Variants in SMAP1 observed in about 807,000 individuals in gnomAD.
SMAP1 encodes small ArfGAP 1.
Under a neutral mutation model 58.5 loss-of-function variants are expected in SMAP1, and 24 were observed. The observed-to-expected ratio is 0.41, with a 90% CI of 0.30 to 0.58. The LOEUF (loss-of-function observed/expected upper bound fraction) is 0.58. SMAP1 is among the 20% of genes least tolerant of loss of function. The probability of loss-of-function intolerance (pLI) is 0.29; values close to 1 mark genes in which losing one functional copy is unlikely to be tolerated. For synonymous variants in SMAP1, 216 were observed against 196.6 expected, an observed-to-expected ratio of 1.10 and a Z score of -0.82; for missense variants, 563 against 566.3, an observed-to-expected ratio of 0.99 and a Z score of 0.06.
intron 3 of SMAP1, chr6:70,759,980 T>C (rs1766682280): frequency 3.1e-6 from 1 of 322,196 alleles, no homozygotes; most frequent in Non-Finnish European, 6.4e-6. Context: ...TTTTCTTTTG[T>C]GGGGAGTGGG....
At chr6:70,771,799 C>G (rs1183072961) in intron 3 of SMAP1, among the ~76,000 whole-genome samples, 1 of 152,162 alleles carries the variant, frequency 6.6e-6, no homozygotes, top group African/African-American at 2.4e-5. Flanking sequence ...TGAGATGAAT[C>G]CGGTACCTCA....
intron 3 of SMAP1, among the ~76,000 whole-genome samples, chr6:70,756,622 A>C (rs573063272): frequency 2.8e-4 from 42 of 152,214 alleles, no homozygotes; most frequent in Non-Finnish European, 4.9e-4. Flanking sequence ...TTTCAGTATG[A>C]TGTAGAGTAG....
chr6:70,759,467 CT>C lies in SMAP1; in HGVS notation c.338+4403del, dbSNP rs143243299. 8.5e-3 allele frequency among the ~76,000 whole-genome samples: 1,291 copies of C among 152,008 alleles called. 20 individuals carry two copies. Among genetic ancestry groups the C allele is most frequent in the African/African-American group, 0.03 (1,231 of 41,486 alleles). On this transcript the variant is annotated intron_variant, in intron 3 of 10. Transcript: ENST00000370455. ...TTTGGTTTCATCCTTTATGTGTTACCTATGCATGAGAGTAGCTTCCAAGTTA... is the reference window on the plus strand; with the variant it reads ...TTTGGTTTCATCCTTTATGTGTTACCATGCATGAGAGTAGCTTCCAAGTTA...
chr6:70,687,822 T>G (rs781750728), intron 1 of SMAP1, among the ~76,000 whole-genome samples: 64 of 152,324 alleles, frequency 4.2e-4, no homozygotes, highest in Admixed American at 7.8e-4. Flanking sequence ...TTTGTGTGTG[T>G]GTGTGCATGT....
chr6:70,737,291 G>A (rs1362152434), intron 2 of SMAP1, among the ~76,000 whole-genome samples: 4 of 152,118 alleles, frequency 2.6e-5, no homozygotes, highest in Non-Finnish European at 5.9e-5. Flanking sequence ...ACAGGCATGA[G>A]CCACCATGCC....
In SMAP1 at chr6:70,777,524, G is replaced by A. The variant is rs534586930; in HGVS notation, c.414+4099G>A. ...TGGATGCTAGTTTCTTGTCAAATGA[G>A]TAGGTTGTTAATATTTTCTCTTATT... On this transcript the variant is annotated intron_variant, in intron 4 of 10. Coordinates refer to ENST00000370455, the MANE Select transcript of SMAP1 (RefSeq NM_001044305.3). Among the ~76,000 whole-genome samples the A allele has an allele frequency of 1.1e-4, 17 of 152,180 alleles. No homozygotes were observed. The East Asian group carries it at 2.5e-3, about 22-fold the overall frequency.
At chr6:70,811,991 A>G (rs1769410163) in intron 6 of SMAP1, among the ~76,000 whole-genome samples, 1 of 152,226 alleles carries the variant, frequency 6.6e-6, no homozygotes, top group Non-Finnish European at 1.5e-5. Context: ...TGTGCTGGAC[A>G]AAGGGATGAT....
intron 1 of SMAP1, among the ~76,000 whole-genome samples, chr6:70,671,763 G>C (rs916154921): frequency 1.3e-5 from 2 of 152,126 alleles, no homozygotes; most frequent in East Asian, 3.8e-4. Context: ...GACTTCATAT[G>C]TTTTCAAAGT....
At chr6:70,669,946 A>T (rs886189479) in intron 1 of SMAP1, among the ~76,000 whole-genome samples, 8 of 151,804 alleles carry the variant, frequency 5.3e-5, no homozygotes, top group Non-Finnish European at 1.5e-5. Flanking sequence ...ATTATTAACC[A>T]TGTTAACTTT....
intron 1 of SMAP1, among the ~76,000 whole-genome samples, chr6:70,731,380 A>G (rs1235704175): frequency 1.3e-5 from 2 of 152,178 alleles, no homozygotes; most frequent in African/African-American, 4.8e-5. Flanking sequence ...AGTGTTTTTC[A>G]GAACTTTTTG....
chr6:70,858,673 C>A (rs1250969904), intron 10 of SMAP1: 1 of 155,124 alleles, frequency 6.4e-6, no homozygotes, highest in Non-Finnish European at 1.4e-5. Flanking sequence ...AAAATCTAGC[C>A]TCATATTCTC....
chr6:70,837,793 T>C (rs1220540708), intron 7 of SMAP1: 4 of 1,236,352 alleles, frequency 3.2e-6, no homozygotes, highest in Non-Finnish European at 4.2e-6. Flanking sequence ...TGGAGAAAGA[T>C]TGAGAAGGAA....
intron 6 of SMAP1, among the ~76,000 whole-genome samples, chr6:70,812,086 C>T (rs1333414317): frequency 6.6e-6 from 1 of 152,014 alleles, no homozygotes; most frequent in Admixed American, 6.6e-5. Flanking sequence ...TTGGAATTTC[C>T]CATTTAATAG....
intron 1 of SMAP1, among the ~76,000 whole-genome samples, chr6:70,701,602 G>C (rs1173608116): frequency 6.6e-6 from 1 of 152,166 alleles, no homozygotes; most frequent in Non-Finnish European, 1.5e-5. Context: ...TTGGGCCCCA[G>C]CTGATTTCTG....
intron 7 of SMAP1, among the ~76,000 whole-genome samples, chr6:70,841,413 A>T (rs1261024446): frequency 6.6e-6 from 1 of 152,178 alleles, no homozygotes; most frequent in East Asian, 1.9e-4. Flanking sequence ...GGGGGACCGC[A>T]TCCTCTCAGT....
intron 3 of SMAP1, among the ~76,000 whole-genome samples, chr6:70,767,023 T>TCC (rs1562144590): frequency 6.6e-6 from 1 of 151,996 alleles, no homozygotes; most frequent in Non-Finnish European, 1.5e-5. Flanking sequence ...CCATTGCTTG[T>TCC]TTTTCTCAGG....
At chr6:70,785,424 C>G (rs887991435) in intron 4 of SMAP1, among the ~76,000 whole-genome samples, 18 of 152,086 alleles carry the variant, frequency 1.2e-4, no homozygotes, top group Non-Finnish European at 5.9e-5. Context: ...CATTCAAAAG[C>G]TAGCAGAGGC....
intron 1 of SMAP1, among the ~76,000 whole-genome samples, chr6:70,710,406 G>C (rs767560009): frequency 1.4e-5 from 2 of 147,716 alleles, no homozygotes; most frequent in African/African-American, 2.5e-5. Flanking sequence ...CAGGAGAATC[G>C]CTTGAACCCG....
chr6:70,822,003 G>A (rs1322557240), intron 6 of SMAP1, among the ~76,000 whole-genome samples: 1 of 152,144 alleles, frequency 6.6e-6, no homozygotes, highest in Non-Finnish European at 1.5e-5. Flanking sequence ...ATTACTTTAT[G>A]TGCAGAGCTT....
Sources: allele counts gnomAD v4.1 joint callset (sites outside exome capture counted in the v4.1 genomes callset), GRCh38; gene constraint gnomAD v4.1.1; transcripts MANE v1.5; gene names NCBI Gene and HGNC (gene_info 2026-07-23, HGNC 2026-07-21).